The following ZNF670 variants were observed in gnomAD, a reference collection of about 807,000 sequenced individuals.
ZNF670 encodes zinc finger protein 670.
ZNF670 carries 7 observed loss-of-function variants against 10.9 expected under a neutral mutation model. That is an observed-to-expected ratio of 0.64 (90% CI 0.36 to 1.20). The LOEUF is 1.20. Among genes scored for constraint, ZNF670 ranks in the 50% most tolerant of loss-of-function variants. The pLI is 0.02. For synonymous variants in ZNF670, 136 were observed against 152.7 expected (o/e 0.89, Z 0.81); for missense variants, 446 against 458.6 (o/e 0.97, Z 0.25).
intron 2 of ZNF670, 25 bp downstream of exon 2, chr1:247,039,386 C>T (rs189680795): frequency 8.6e-5 from 138 of 1,599,630 alleles, no homozygotes; most frequent in African/African-American, 5.7e-4. Flanking sequence ...TAATCAACTA[C>T]GTGAATAAGT....
chr1:247,073,914 G>A (rs891638770), intron 1 of ZNF670, among the ~76,000 whole-genome samples: 2 of 152,108 alleles, frequency 1.3e-5, no homozygotes, highest in Admixed American at 1.3e-4. Context: ...ACAATTTACT[G>A]ATGTTTACCA....
At chr1:247,059,574 A>C (rs1465126741) in intron 1 of ZNF670, among the ~76,000 whole-genome samples, 2 of 152,308 alleles carry the variant, frequency 1.3e-5, no homozygotes, top group East Asian at 3.9e-4. Context: ...GCAAAAACCA[A>C]TTGACTTTAT....
chr1:247,039,427 C>T lies in ZNF670; in HGVS notation c.114G>A (p.Arg38=), dbSNP rs1670252946. 2 of 1,602,870 alleles carry T rather than the reference C, an allele frequency of 1.2e-6. No individual in the cohort carries two copies. Among genetic ancestry groups the T allele is most frequent in the Non-Finnish European group, 1.7e-6 (2 of 1,176,050 alleles). Residue 38 remains arginine (R), a synonymous_variant, in exon 2 of 4, where the codon AGG becomes AGA. Transcript: ENST00000366503. ...TATTCTTACCTACAGAAGCCAGGTTCCTGAAGATTTCTTGCATCACATCTC... is the reference window on the plus strand; with the variant it reads ...TATTCTTACCTACAGAAGCCAGGTTTCTGAAGATTTCTTGCATCACATCTC... ...LYRDVMQEIF[R]NLASVGNKSE...
chr1:247,055,706 C>T (rs1440945107), intron 1 of ZNF670, among the ~76,000 whole-genome samples: 1 of 152,074 alleles, frequency 6.6e-6, no homozygotes, highest in Non-Finnish European at 1.5e-5. Flanking sequence ...CTAAATTCTC[C>T]CATCAAAAGA....
chr1:247,078,641 G>C lies in ZNF670; in HGVS notation c.-45C>G, dbSNP rs763561269. ...GGGGTCCTCCCTAAGGACCTTCCGGGACCTGCAGGTCCCAGAGCAACAGAA... is the reference window on the plus strand; with the variant it reads ...GGGGTCCTCCCTAAGGACCTTCCGGCACCTGCAGGTCCCAGAGCAACAGAA... On this transcript the variant is annotated 5_prime_UTR_variant, in exon 1 of 4. Transcript: ENST00000366503. The C allele has an allele frequency of 2.5e-5, 41 of 1,611,026 alleles. No individual in the cohort carries two copies. The Admixed American group carries it at 3.8e-4, about 15-fold the overall frequency.
At chr1:247,046,626 C>T (rs1246777826) in intron 1 of ZNF670, among the ~76,000 whole-genome samples, 1 of 152,124 alleles carries the variant, frequency 6.6e-6, no homozygotes, top group Non-Finnish European at 1.5e-5. Flanking sequence ...TGAGTGGAAC[C>T]CCACAGGCAG....
chr1:247,037,198 T>A lies in ZNF670; in HGVS notation c.*251A>T. On this transcript the variant is annotated 3_prime_UTR_variant, in exon 4 of 4. Coordinates refer to ENST00000366503, the MANE Select transcript of ZNF670 (RefSeq NM_033213.5). The stretch of plus-strand genomic sequence containing the variant: ...CAATGAACCACTGATAAAAATATAT[T>A]TGAAAGCGGCTGGGAAAATAAAGTG... The A allele has an allele frequency of 2.5e-6, 1 of 392,940 alleles. No homozygotes were observed. Among genetic ancestry groups the A allele is most frequent in the Non-Finnish European group, 4.5e-6 (1 of 223,258 alleles). 24.3% of individuals were successfully genotyped at this position (392,940 alleles called of 1,614,324 possible).
At chr1:247,039,715 T>C (rs931526538) in intron 1 of ZNF670, among the ~76,000 whole-genome samples, 178 bp from the exon 2 acceptor site, 3 of 152,218 alleles carry the variant, frequency 2.0e-5, no homozygotes. Context: ...ACATTCTTCA[T>C]GCTAAAATGA....
intron 1 of ZNF670, among the ~76,000 whole-genome samples, chr1:247,045,227 G>C (rs184672989): frequency 6.6e-5 from 10 of 152,276 alleles, no homozygotes; most frequent in Middle Eastern, 3.4e-3. Flanking sequence ...CCCAGGCTTA[G>C]GGATCCCCAG....
intron 3 of ZNF670, 80 bp from the exon 4 acceptor site, chr1:247,038,507 T>G: frequency 7.2e-7 from 1 of 1,381,362 alleles, no homozygotes; most frequent in South Asian, 1.4e-5. Flanking sequence ...AATGCAAGTT[T>G]CCTGCCATAT....
At chr1:247,056,350 G>C (rs578230009) in intron 1 of ZNF670, among the ~76,000 whole-genome samples, 1 of 152,250 alleles carries the variant, frequency 6.6e-6, no homozygotes, top group South Asian at 2.1e-4. Flanking sequence ...GACCGCAAAG[G>C]ATTAAAACTA....
At chr1:247,078,239 A>C (rs1271239713) in intron 1 of ZNF670, among the ~76,000 whole-genome samples, 1 of 152,218 alleles carries the variant, frequency 6.6e-6, no homozygotes, top group East Asian at 1.9e-4. Context: ...AACAGGAGAA[A>C]GGAGGATTTG....
intron 2 of ZNF670, 49 bp from the exon 3 acceptor site, chr1:247,038,919 A>G (rs762910599): frequency 1.3e-6 from 2 of 1,516,976 alleles, no homozygotes; most frequent in African/African-American, 2.8e-5. Context: ...AACTTTAAAA[A>G]TTGCTAGATT....
intron 1 of ZNF670, among the ~76,000 whole-genome samples, chr1:247,051,744 C>G (rs1452618853): frequency 1.3e-5 from 2 of 151,630 alleles, no homozygotes; most frequent in African/African-American, 4.8e-5. Context: ...CTGAGGAAGA[C>G]CTATTATTGC....
intron 1 of ZNF670, among the ~76,000 whole-genome samples, chr1:247,052,644 G>C (rs1572562774): frequency 6.6e-6 from 1 of 152,152 alleles, no homozygotes; most frequent in African/African-American, 2.4e-5. Context: ...TGTTACAGGT[G>C]GTGGAATTAG....
At chr1:247,048,853 C>A (rs1247809381) in intron 1 of ZNF670, among the ~76,000 whole-genome samples, 1 of 152,190 alleles carries the variant, frequency 6.6e-6, no homozygotes, top group Non-Finnish European at 1.5e-5. Flanking sequence ...CCTGGTCTCT[C>A]AATTCAAGGT....
At chr1:247,060,631 C>T (rs1198633478) in intron 1 of ZNF670, among the ~76,000 whole-genome samples, 2 of 152,000 alleles carry the variant, frequency 1.3e-5, no homozygotes, top group Non-Finnish European at 2.9e-5. Context: ...TACTATCTGC[C>T]CAATTTTTCT....
chr1:247,038,475 C>CATTG, intron 3 of ZNF670, 48 bp from the exon 4 acceptor site: 6 of 1,534,638 alleles, frequency 3.9e-6, no homozygotes, highest in Non-Finnish European at 5.2e-6. Flanking sequence ...TCATGGTTTA[C>CATTG]ATTGCTACTA....
chr1:247,037,658 A>G lies in ZNF670; in HGVS notation c.961T>C (p.Ser321Pro), dbSNP rs1553319470. Reference sequence around the variant, plus strand: ...CTTTCATGCTCACATAGGTTACTAGAATATTTGAAGGCTTTACCACATTGT... The same window carrying G: ...CTTTCATGCTCACATAGGTTACTAGGATATTTGAAGGCTTTACCACATTGT... Reference protein sequence around the residue: ...CKQCGKAFKYSSNLCEHERTH... With the variant: ...CKQCGKAFKYPSNLCEHERTH... Residue 321 changes from serine to proline, a missense_variant, in exon 4 of 4, where the codon TCT becomes CCT. Ser to Pro is a moderately conservative substitution (Grantham distance 74). Coordinates refer to ENST00000366503, the MANE Select transcript of ZNF670 (RefSeq NM_033213.5). 1 of 1,613,998 alleles carries G rather than the reference A, an allele frequency of 6.2e-7. No homozygotes were observed. The highest frequency in any genetic ancestry group is 1.1e-5 in the South Asian group (1 of 91,058).
Sources: allele counts gnomAD v4.1 joint callset (sites outside exome capture counted in the v4.1 genomes callset), GRCh38; gene constraint gnomAD v4.1.1; transcripts MANE v1.5; gene names NCBI Gene and HGNC (gene_info 2026-07-23, HGNC 2026-07-21).